The following TANC2 variants were observed in gnomAD, a reference collection of about 807,000 sequenced individuals.
The protein encoded by TANC2 is tetratricopeptide repeat, ankyrin repeat and coiled-coil containing 2.
A neutral mutation model predicts 210.5 loss-of-function variants in TANC2; 26 were observed. The ratio of observed to expected loss-of-function variants is 0.12; its 90% CI spans 0.09 to 0.17. The LOEUF is 0.17. Among genes scored for constraint, TANC2 ranks in the 10% least tolerant of loss-of-function variants. The pLI, the probability that TANC2 is intolerant of heterozygous loss-of-function variation, is 1.00. For missense variants in TANC2, 2,129 were observed against 2,608.9 expected (o/e 0.82, Z 4.01); for synonymous variants, 931 against 967.1 (o/e 0.96, Z 0.69).
chr17:63,171,878 T>A (rs904680644), intron 5 of TANC2, among the ~76,000 whole-genome samples: 1 of 152,248 alleles, frequency 6.6e-6, no homozygotes, highest in Non-Finnish European at 1.5e-5. Flanking sequence ...TTTACATAGT[T>A]TCTTTTACAT....
intron 1 of TANC2, among the ~76,000 whole-genome samples, chr17:62,971,439 C>G (rs553721781): frequency 6.6e-6 from 1 of 152,292 alleles, no homozygotes; most frequent in Admixed American, 6.5e-5. Context: ...AGGCGATCCT[C>G]TCACCTCAGC....
At chr17:63,309,739 A>T (rs1481845394) in intron 9 of TANC2, among the ~76,000 whole-genome samples, 1 of 151,822 alleles carries the variant, frequency 6.6e-6, no homozygotes, top group Non-Finnish European at 1.5e-5. Context: ...TTTTGAAACT[A>T]TGTATTTTTC....
At chr17:63,057,522 C>T (rs2144490139) in intron 2 of TANC2, among the ~76,000 whole-genome samples, 1 of 152,186 alleles carries the variant, frequency 6.6e-6, no homozygotes, top group South Asian at 2.1e-4. Context: ...ATTATTTCAT[C>T]ACCCAGGAAC....
chr17:63,219,789 C>T (rs1172510089), intron 7 of TANC2, among the ~76,000 whole-genome samples: 1 of 151,714 alleles, frequency 6.6e-6, no homozygotes, highest in Admixed American at 6.6e-5. Flanking sequence ...CACATATATC[C>T]ATTTTTTTAG....
intron 9 of TANC2, among the ~76,000 whole-genome samples, chr17:63,292,899 C>T (rs2044423570): frequency 6.6e-6 from 1 of 152,164 alleles, no homozygotes; most frequent in South Asian, 2.1e-4. Flanking sequence ...TAAGCTTGCA[C>T]AGAGATACGA....
intron 2 of TANC2, among the ~76,000 whole-genome samples, chr17:63,047,413 AG>A (rs1309765781): frequency 2.0e-5 from 3 of 152,204 alleles, no homozygotes; most frequent in Admixed American, 6.5e-5. Flanking sequence ...GAATGGATAT[AG>A]GAGTGGATGC....
chr17:63,147,004 A>G (rs2039483767), intron 4 of TANC2, among the ~76,000 whole-genome samples: 1 of 152,106 alleles, frequency 6.6e-6, no homozygotes, highest in East Asian at 1.9e-4. Context: ...CAACAACAAC[A>G]CAAGAGTTAA....
chr17:63,209,038 C>G (rs2041806110), intron 7 of TANC2, among the ~76,000 whole-genome samples: 1 of 151,584 alleles, frequency 6.6e-6, no homozygotes. Context: ...GACAGAGTCT[C>G]TCTGTTTCCC....
chr17:63,202,722 T>C (rs2041575807), intron 7 of TANC2, among the ~76,000 whole-genome samples: 1 of 152,164 alleles, frequency 6.6e-6, no homozygotes, highest in African/African-American at 2.4e-5. Context: ...CTCCTCAGTA[T>C]ATACAGATTG....
At chr17:63,088,885 T>C (rs1244417166) in intron 3 of TANC2, 7 of 152,188 alleles carry the variant, frequency 4.6e-5, no homozygotes, top group Non-Finnish European at 7.3e-5. Flanking sequence ...GTAGAGTCTT[T>C]ACACTCATGG....
At chr17:63,195,373 C>G (rs2041310747) in intron 6 of TANC2, among the ~76,000 whole-genome samples, 1 of 152,190 alleles carries the variant, frequency 6.6e-6, no homozygotes. Context: ...CACCTACTTG[C>G]TTAGGACAAA....
intron 3 of TANC2, among the ~76,000 whole-genome samples, chr17:63,081,521 T>C (rs1180739744): frequency 6.6e-6 from 1 of 152,188 alleles, no homozygotes; most frequent in Non-Finnish European, 1.5e-5. Flanking sequence ...AATGCAGTTT[T>C]AGTTCTCCCC....
At chr17:63,003,178 G>C (rs1165384380) in intron 1 of TANC2, among the ~76,000 whole-genome samples, 3 of 152,158 alleles carry the variant, frequency 2.0e-5, no homozygotes, top group Admixed American at 1.3e-4. Context: ...ATAGTGGATA[G>C]CTAATTATAA....
At chr17:63,162,437 TA>T (rs1360184601) in intron 5 of TANC2, among the ~76,000 whole-genome samples, 38 of 152,208 alleles carry the variant, frequency 2.5e-4, no homozygotes, top group African/African-American at 9.2e-4. Flanking sequence ...TGTAGGAGAC[TA>T]TGAGACAAGC....
intron 1 of TANC2, among the ~76,000 whole-genome samples, chr17:62,987,184 G>A (rs1455077322): frequency 1.3e-5 from 2 of 152,156 alleles, no homozygotes; most frequent in Admixed American, 6.5e-5. Context: ...GAGAGCAGTG[G>A]GAGTTGGTTC....
At chr17:63,308,805 A>G (rs2045015150) in intron 9 of TANC2, among the ~76,000 whole-genome samples, 1 of 152,082 alleles carries the variant, frequency 6.6e-6, no homozygotes, top group Non-Finnish European at 1.5e-5. Flanking sequence ...ATATTTGCTT[A>G]TTTTGTCTTT....
intron 9 of TANC2, among the ~76,000 whole-genome samples, chr17:63,313,963 T>C (rs2045219583): frequency 6.6e-6 from 1 of 152,194 alleles, no homozygotes; most frequent in Admixed American, 6.5e-5. Context: ...CAGCCTGGCC[T>C]TTCCAACAGG....
chr17:63,388,479 T>C (rs1405795786), intron 15 of TANC2, among the ~76,000 whole-genome samples, 156 bp from the exon 16 acceptor site: 3 of 152,224 alleles, frequency 2.0e-5, no homozygotes, highest in African/African-American at 7.2e-5. Flanking sequence ...GGACTGGTCT[T>C]TGTCCCCCCA....
intron 9 of TANC2, among the ~76,000 whole-genome samples, chr17:63,287,686 AT>A (rs113218272): frequency 0.59 from 85,091 of 145,096 alleles, 26,583 homozygotes; most frequent in African/African-American, 0.83. Context: ...TCCTGTATAT[AT>A]TTTTTTTTTT....
Sources: gnomAD v4.1 joint callset for allele counts (sites outside exome capture counted in the v4.1 genomes callset) on GRCh38, gnomAD v4.1.1 for gene constraint, MANE v1.5 for transcripts, NCBI Gene and HGNC (gene_info 2026-07-23, HGNC 2026-07-21) for gene names.